Variants in PRDM16 observed in about 807,000 individuals in gnomAD.
The protein encoded by PRDM16 is histone-lysine N-methyltransferase PRDM16.
PRDM16 carries 23 observed loss-of-function variants against 110.6 expected under a neutral mutation model. The ratio of observed to expected loss-of-function variants is 0.21; its 90% CI spans 0.15 to 0.29. The LOEUF is 0.29. Among genes scored for constraint, PRDM16 ranks in the 10% least tolerant of loss-of-function variants. PRDM16 has a pLI of 1.00. For synonymous variants in PRDM16, 799 were observed against 781.8 expected (o/e 1.02, Z -0.37); for missense variants, 1,615 against 1,794.3 (o/e 0.90, Z 1.81).
chr1:3,404,938 A>G, intron 7 of PRDM16, 52 bp downstream of exon 7: 5 of 1,580,782 alleles, frequency 3.2e-6, no homozygotes, highest in Non-Finnish European at 4.3e-6. Context: ...GAGGCTGCAG[A>G]CGGGCGCCCG....
intron 2 of PRDM16, among the ~76,000 whole-genome samples, chr1:3,239,977 A>G (rs1196117688): frequency 6.7e-6 from 1 of 150,220 alleles, no homozygotes; most frequent in Non-Finnish European, 1.5e-5. Context: ...AGAAGAAAGA[A>G]AGAAAGAAAA....
Position 3,359,025 on chromosome 1 carries a change from A to G in PRDM16, c.439-26127A>G, listed in dbSNP as rs965697221. Among the ~76,000 whole-genome samples the G allele has an allele frequency of 4.6e-5, 7 of 152,158 alleles. No homozygotes were observed. Among genetic ancestry groups the G allele is most frequent in the African/African-American group, 1.7e-4 (7 of 41,444 alleles). ...TTGACTCGCGGAGTCCTCACTGGCC[A>G]ACTAGAGTCTTCAAATCAACCAATG... On this transcript the variant is annotated intron_variant, in intron 3 of 16. Transcript: ENST00000270722. This position sits in a 1 kb window ranked among gnomAD's most constrained non-coding sequence, Gnocchi z 4.3.
intron 1 of PRDM16, among the ~76,000 whole-genome samples, chr1:3,174,395 A>G (rs1384658091): frequency 1.3e-5 from 2 of 152,144 alleles, no homozygotes; most frequent in African/African-American, 4.8e-5. Flanking sequence ...TTGGGGTGAC[A>G]TCATTCAACT....
intron 1 of PRDM16, among the ~76,000 whole-genome samples, chr1:3,090,706 T>C (rs907241225): frequency 6.6e-6 from 1 of 152,192 alleles, no homozygotes; most frequent in African/African-American, 2.4e-5. Context: ...CCCCAAAGCC[T>C]CTGACTTTGA....
chr1:3,414,485 G>A (rs930551109), intron 9 of PRDM16, 75 bp from the exon 10 acceptor site: 2 of 1,146,612 alleles, frequency 1.7e-6, no homozygotes, highest in Non-Finnish European at 2.6e-6. Context: ...GGCGGGGTGG[G>A]CGGCTCTGTG....
chr1:3,165,238 C>G (rs1643937226), intron 1 of PRDM16, among the ~76,000 whole-genome samples: 1 of 140,098 alleles, frequency 7.1e-6, no homozygotes, highest in African/African-American at 2.6e-5. Flanking sequence ...GGCTCAGGGA[C>G]AGTGACTTAC....
chr1:3,384,097 C>T (rs184252605), intron 3 of PRDM16, among the ~76,000 whole-genome samples: 26 of 151,884 alleles, frequency 1.7e-4, no homozygotes, highest in Middle Eastern at 3.4e-3. Flanking sequence ...ACACACCCAC[C>T]CAAGGACACA....
Position 3,405,666 on chromosome 1 carries a change from C to T in PRDM16, c.1186+18C>T, listed in dbSNP as rs759901012. ...TTTCATATGTGAGTGGTCGCCCAGC[C>T]TGGCCGCCTGCCCTCCGGGTGCGCG... On this transcript the variant is annotated intron_variant, in intron 8 of 16. Transcript: ENST00000270722. 1.3e-6 allele frequency: 2 copies of T among 1,552,394 alleles called. No homozygotes were observed. The highest frequency in any genetic ancestry group is 1.7e-6 in the Non-Finnish European group (2 of 1,146,232).
chr1:3,321,857 AGT>A (rs987894381), intron 3 of PRDM16, among the ~76,000 whole-genome samples: 36 of 143,724 alleles, frequency 2.5e-4, no homozygotes, highest in African/African-American at 8.9e-4. Context: ...TCCGTGTGTG[AGT>A]GTGTGCATTT....
At chr1:3,167,467 G>A (rs1643972078) in intron 1 of PRDM16, among the ~76,000 whole-genome samples, 1 of 152,048 alleles carries the variant, frequency 6.6e-6, no homozygotes, top group African/African-American at 2.4e-5. Context: ...TCGCGCTCAT[G>A]TGCAGCCGGG....
chr1:3,076,702 C>T (rs779962369), intron 1 of PRDM16, among the ~76,000 whole-genome samples: 32 of 152,270 alleles, frequency 2.1e-4, no homozygotes, highest in Non-Finnish European at 2.8e-4. Flanking sequence ...CATGGGTGTG[C>T]GAGGAGAGGT....
At chr1:3,351,753 C>T (rs533368672) in intron 3 of PRDM16, among the ~76,000 whole-genome samples, 3 of 124,410 alleles carry the variant, frequency 2.4e-5, no homozygotes, top group Non-Finnish European at 5.2e-5. Flanking sequence ...TCTCTCCCCC[C>T]CCTCTGTTTC....
chr1:3,194,885 C>T (rs921021366), intron 2 of PRDM16, among the ~76,000 whole-genome samples: 10 of 152,212 alleles, frequency 6.6e-5, no homozygotes, highest in Admixed American at 2.6e-4. Context: ...TGAGTGGGCT[C>T]GGCCCCGGGA....
chr1:3,312,758 G>A (rs552113115), intron 3 of PRDM16, among the ~76,000 whole-genome samples: 5 of 152,332 alleles, frequency 3.3e-5, no homozygotes, highest in South Asian at 2.1e-4. Flanking sequence ...TGGCTGAGGC[G>A]GTATTTTCCT....
chr1:3,400,000 C>T (rs989217606), intron 5 of PRDM16, among the ~76,000 whole-genome samples: 9 of 152,150 alleles, frequency 5.9e-5, no homozygotes, highest in Non-Finnish European at 8.8e-5. Context: ...GGGCTTGTTC[C>T]CCAGTGAAAA....
intron 8 of PRDM16, among the ~76,000 whole-genome samples, chr1:3,407,821 C>G (rs942416487): frequency 1.2e-4 from 18 of 152,358 alleles, no homozygotes; most frequent in African/African-American, 4.3e-4. Flanking sequence ...CAGGGAAACT[C>G]AACTGGCCCT....
At chr1:3,238,057 C>T (rs4648373) in intron 2 of PRDM16, 38,531 of 152,298 alleles carry the variant, frequency 0.25, 6,333 homozygotes, top group East Asian at 0.46. Context: ...GGAAGCAGAG[C>T]GGCCTGGCTT....
intron 1 of PRDM16, among the ~76,000 whole-genome samples, chr1:3,115,993 C>T (rs1642949493): frequency 6.6e-6 from 1 of 151,890 alleles, no homozygotes; most frequent in Non-Finnish European, 1.5e-5. Context: ...CCCAGGCGGC[C>T]CCTCCCAGCG....
intron 3 of PRDM16, among the ~76,000 whole-genome samples, chr1:3,334,286 ATTGCCGGGGTTGGATGTAGGGG>A (rs1642101196): frequency 1.3e-5 from 2 of 151,796 alleles, no homozygotes; most frequent in Non-Finnish European, 2.9e-5. Context: ...CCAGCCAGGG[ATTGCCGGGGTTGGATGTAGGGG>A]TTGCCACAGG....
Sources: allele counts gnomAD v4.1 joint callset (sites outside exome capture counted in the v4.1 genomes callset), GRCh38; gene constraint gnomAD v4.1.1; non-coding constraint Gnocchi (gnomAD v3.1); transcripts MANE v1.5; gene names NCBI Gene and HGNC (gene_info 2026-07-23, HGNC 2026-07-21).